CABCOCO1: variants seen among roughly 807,000 people sequenced by gnomAD.
The protein encoded by CABCOCO1 is ciliary associated calcium binding coiled-coil 1, also known as ciliary-associated calcium-binding coiled-coil protein 1.
CABCOCO1 carries 28 observed loss-of-function variants against 35.7 expected under a neutral mutation model. The ratio of observed to expected loss-of-function variants is 0.78; its 90% CI spans 0.58 to 1.07. The LOEUF (loss-of-function observed/expected upper bound fraction) is 1.07. Ranked by LOEUF, CABCOCO1 falls within the 50% of genes least tolerant of loss-of-function variation. The pLI is 0.00. For synonymous variants in CABCOCO1, 95 were observed against 100.1 expected, an observed-to-expected ratio of 0.95 and a Z score of 0.30; for missense variants, 326 against 309.2, an observed-to-expected ratio of 1.05 and a Z score of -0.41.
At chr10:61,737,851 G>T (rs1841456814) in intron 5 of CABCOCO1, among the ~76,000 whole-genome samples, 1 of 151,888 alleles carries the variant, frequency 6.6e-6, no homozygotes, top group African/African-American at 2.4e-5. Context: ...GATAACTATT[G>T]GGTACTGAGT....
At chr10:61,719,573 G>C (rs1260627933) in intron 5 of CABCOCO1, among the ~76,000 whole-genome samples, 2 of 152,072 alleles carry the variant, frequency 1.3e-5, no homozygotes, top group African/African-American at 4.8e-5. Flanking sequence ...AGCAAGATGG[G>C]AAATGACTTT....
chr10:61,689,943 G>A (rs1270802771), intron 4 of CABCOCO1, among the ~76,000 whole-genome samples: 2 of 152,046 alleles, frequency 1.3e-5, no homozygotes, highest in East Asian at 3.9e-4. Context: ...AGTCTTTAGG[G>A]TAAGAACTGA....
chr10:61,665,613 C>T (rs144144988), intron 1 of CABCOCO1, among the ~76,000 whole-genome samples: 1 of 152,022 alleles, frequency 6.6e-6, no homozygotes, highest in Non-Finnish European at 1.5e-5. Flanking sequence ...GAAGGCCGGG[C>T]GCGGTGGCTC....
At chr10:61,747,266 C>G (rs548624518) in intron 5 of CABCOCO1, among the ~76,000 whole-genome samples, 1 of 152,154 alleles carries the variant, frequency 6.6e-6, no homozygotes, top group East Asian at 1.9e-4. Context: ...GGTAATATTA[C>G]CTTCCCAGTC....
chr10:61,734,599 T>C (rs1191048825), intron 5 of CABCOCO1, among the ~76,000 whole-genome samples: 2 of 152,080 alleles, frequency 1.3e-5, no homozygotes, highest in Non-Finnish European at 1.5e-5. Flanking sequence ...ACACAATGGA[T>C]TTTTATCTCT....
intron 5 of CABCOCO1, among the ~76,000 whole-genome samples, chr10:61,742,118 G>T (rs1242327620): frequency 6.6e-6 from 1 of 152,152 alleles, no homozygotes; most frequent in Admixed American, 6.5e-5. Flanking sequence ...AGGACTTGCT[G>T]AAAAATTGGG....
chr10:61,691,000 AT>A (rs944525320), intron 5 of CABCOCO1, among the ~76,000 whole-genome samples: 5 of 151,978 alleles, frequency 3.3e-5, no homozygotes, highest in Admixed American at 6.6e-5. Context: ...CTAATTTCAC[AT>A]TTTTTTTCAT....
Position 61,766,103 on chromosome 10 carries a change from T to C in CABCOCO1, c.*90T>C, listed in dbSNP as rs1842104356. ...GACTCTCTGGAGCGTCGTGTCTCCA[T>C]CACTTAGTTGTGAAAGGAAAACCAA... On this transcript the variant is annotated 3_prime_UTR_variant, in exon 8 of 8. Transcript: ENST00000648843. The C allele has an allele frequency of 1.7e-6, 2 of 1,187,658 alleles. No individual in the cohort carries two copies. Among genetic ancestry groups the C allele is most frequent in the Non-Finnish European group, 2.4e-6 (2 of 836,962 alleles). 73.6% of individuals were successfully genotyped at this position (1,187,658 alleles called of 1,614,324 possible).
chr10:61,754,576 C>A (rs1313728860), intron 5 of CABCOCO1, among the ~76,000 whole-genome samples: 2 of 152,088 alleles, frequency 1.3e-5, no homozygotes, highest in Non-Finnish European at 2.9e-5. Flanking sequence ...CTTTAATCAT[C>A]TAACTTTTTA....
Position 61,682,889 on chromosome 10 carries a change from C to CTTTTTTTTTT in CABCOCO1, c.334+1583_334+1592dup, listed in dbSNP as rs71018993. Among the ~76,000 whole-genome samples, 290 of 128,146 alleles carry CTTTTTTTTTT rather than the reference C, an allele frequency of 2.3e-3. 19 individuals are homozygous for CTTTTTTTTTT. The highest frequency in any genetic ancestry group is 0.015 in the Middle Eastern group (3 of 196). 84.1% of individuals were successfully genotyped at this position (128,146 alleles called of 152,430 possible). A position where few individuals can be genotyped will look rare whatever the true frequency, so the allele number is the denominator to read the frequency against. On this transcript the variant is annotated intron_variant, in intron 3 of 7. Transcript: ENST00000648843. ...CCAGGAGTTAGTTTCACATGAATTT[C>CTTTTTTTTTT]TTTTTTTTTTTTTTTAAGACAGATT...
chr10:61,679,335 A>ATATC (rs1554821377), intron 2 of CABCOCO1, among the ~76,000 whole-genome samples: 1 of 134,350 alleles, frequency 7.4e-6, no homozygotes, highest in African/African-American at 2.8e-5. Flanking sequence ...ATATCTATCT[A>ATATC]TATCTATCTA....
chr10:61,667,248 T>TATGC (rs1019556529), intron 1 of CABCOCO1, among the ~76,000 whole-genome samples: 14 of 149,058 alleles, frequency 9.4e-5, no homozygotes, highest in African/African-American at 3.4e-4. Context: ...AAATTTTGTA[T>TATGC]ATGCATACAT....
At chr10:61,665,744 G>A (rs1589104874) in intron 1 of CABCOCO1, among the ~76,000 whole-genome samples, 1 of 151,740 alleles carries the variant, frequency 6.6e-6, no homozygotes, top group Middle Eastern at 3.4e-3. Context: ...AAAATTAGCC[G>A]GGCGTGGTAG....
intron 5 of CABCOCO1, 73 bp from the exon 6 acceptor site, chr10:61,759,986 A>G (rs1841972682): frequency 6.4e-7 from 1 of 1,560,902 alleles, no homozygotes. Flanking sequence ...TGGTACATAT[A>G]TAACGGAACT....
At chr10:61,676,189 C>A (rs1813714879) in intron 2 of CABCOCO1, among the ~76,000 whole-genome samples, 1 of 152,112 alleles carries the variant, frequency 6.6e-6, no homozygotes, top group South Asian at 2.1e-4. Flanking sequence ...GGCAACAAGA[C>A]ATTGCAATAT....
At chr10:61,665,311 T>C (rs1839131857) in intron 1 of CABCOCO1, among the ~76,000 whole-genome samples, 1 of 152,254 alleles carries the variant, frequency 6.6e-6, no homozygotes, top group East Asian at 1.9e-4. Flanking sequence ...AATTATTTTT[T>C]CTGTGACATT....
intron 5 of CABCOCO1, 46 bp downstream of exon 5, chr10:61,690,667 T>C: frequency 2.4e-6 from 3 of 1,246,212 alleles, no homozygotes; most frequent in South Asian, 1.3e-5. Flanking sequence ...AATCACTTAA[T>C]GCATGCTGAT....
chr10:61,756,112 A>G (rs1841892345), intron 5 of CABCOCO1, among the ~76,000 whole-genome samples: 1 of 152,066 alleles, frequency 6.6e-6, no homozygotes, highest in East Asian at 1.9e-4. Context: ...GAAATTTCAT[A>G]CTGACGAGTA....
chr10:61,715,159 A>G (rs1013933367), intron 5 of CABCOCO1, among the ~76,000 whole-genome samples: 7 of 152,230 alleles, frequency 4.6e-5, no homozygotes, highest in African/African-American at 1.7e-4. Flanking sequence ...GTCTCTTTGT[A>G]GGTCTCTAAG....
Sources: allele counts gnomAD v4.1 joint callset (sites outside exome capture counted in the v4.1 genomes callset), GRCh38; gene constraint gnomAD v4.1.1; transcripts MANE v1.5; gene names NCBI Gene and HGNC (gene_info 2026-07-23, HGNC 2026-07-21).